The following TMEM132D variants were observed in gnomAD, a reference collection of about 807,000 sequenced individuals.
TMEM132D encodes mature OL transmembrane protein.
TMEM132D carries 21 observed loss-of-function variants against 62.3 expected under a neutral mutation model. The ratio of observed to expected loss-of-function variants is 0.34; its 90% CI spans 0.24 to 0.49. TMEM132D has a LOEUF of 0.49. Among genes scored for constraint, TMEM132D ranks in the 20% least tolerant of loss-of-function variants. TMEM132D has a pLI of 0.99. For missense variants in TMEM132D, 1,346 were observed against 1,402.8 expected (o/e 0.96, Z 0.65); for synonymous variants, 621 against 575.6 (o/e 1.08, Z -1.13).
intron 4 of TMEM132D, among the ~76,000 whole-genome samples, chr12:129,260,494 G>A (rs1387562672): frequency 6.6e-6 from 1 of 152,108 alleles, no homozygotes; most frequent in East Asian, 1.9e-4. Flanking sequence ...AAAGAAGGAG[G>A]GATCTAAGGA....
chr12:129,313,112 G>A (rs1444498801), intron 4 of TMEM132D, among the ~76,000 whole-genome samples: 1 of 152,148 alleles, frequency 6.6e-6, no homozygotes, highest in Non-Finnish European at 1.5e-5. Context: ...GAGCCAAGAG[G>A]AACTGTTGAA....
chr12:129,204,777 G>T (rs1465918553), intron 5 of TMEM132D, among the ~76,000 whole-genome samples: 1 of 152,164 alleles, frequency 6.6e-6, no homozygotes, highest in East Asian at 1.9e-4. Context: ...CAGCTAGAGA[G>T]AAGGGGCAGG....
At chr12:129,565,890 G>A (rs950474820) in intron 2 of TMEM132D, among the ~76,000 whole-genome samples, 31 of 152,338 alleles carry the variant, frequency 2.0e-4, no homozygotes, top group Non-Finnish European at 3.8e-4. Flanking sequence ...CACTCACAAT[G>A]TGAGAAGTGC....
chr12:129,232,602 C>T (rs890442055), intron 4 of TMEM132D, among the ~76,000 whole-genome samples: 11 of 152,256 alleles, frequency 7.2e-5, no homozygotes, highest in Admixed American at 6.5e-4. Context: ...TCTGTGACCA[C>T]CGAACGATTA....
At chr12:129,825,167 C>T (rs2137328492) in intron 1 of TMEM132D, among the ~76,000 whole-genome samples, 1 of 151,224 alleles carries the variant, frequency 6.6e-6, no homozygotes, top group African/African-American at 2.4e-5. Flanking sequence ...GCACAGGCCA[C>T]CCGGGTAATT....
intron 4 of TMEM132D, among the ~76,000 whole-genome samples, chr12:129,271,374 G>A (rs1285349328): frequency 6.6e-6 from 1 of 151,682 alleles, no homozygotes; most frequent in Non-Finnish European, 1.5e-5. Context: ...CCTCAGAACA[G>A]TTTTTCTTTT....
At chr12:129,529,232 TGAA>T (rs1263358830) in intron 3 of TMEM132D, among the ~76,000 whole-genome samples, 1 of 152,198 alleles carries the variant, frequency 6.6e-6, no homozygotes. Context: ...TCACTTAGAA[TGAA>T]GAATTAGGGC....
At chr12:129,478,948 C>G (rs1038999790) in intron 3 of TMEM132D, among the ~76,000 whole-genome samples, 2 of 152,230 alleles carry the variant, frequency 1.3e-5, no homozygotes, top group Non-Finnish European at 1.5e-5. Context: ...AAGACCTACA[C>G]ATGCATGAAG....
intron 3 of TMEM132D, among the ~76,000 whole-genome samples, chr12:129,488,763 G>A (rs376980586): frequency 6.6e-5 from 10 of 152,084 alleles, no homozygotes; most frequent in African/African-American, 2.2e-4. Context: ...CCAGACAGGT[G>A]GGCAGGGGCT....
chr12:129,828,822 G>A (rs1046506819), intron 1 of TMEM132D, among the ~76,000 whole-genome samples: 4 of 144,372 alleles, frequency 2.8e-5, no homozygotes, highest in African/African-American at 1.0e-4. Flanking sequence ...GGAGAAAAAA[G>A]GGAGGGAGAA....
chr12:129,095,395 G>A (rs1380472729), intron 5 of TMEM132D, among the ~76,000 whole-genome samples: 1 of 140,046 alleles, frequency 7.1e-6, no homozygotes, highest in Non-Finnish European at 1.5e-5. Flanking sequence ...TGTCACCCAG[G>A]CTGGAGTGGA....
intron 1 of TMEM132D, among the ~76,000 whole-genome samples, chr12:129,712,784 T>G (rs147912724): frequency 6.6e-6 from 1 of 152,320 alleles, no homozygotes; most frequent in Non-Finnish European, 1.5e-5. Context: ...AGCTGTGGGC[T>G]GCGTCCTCTC....
chr12:129,676,705 G>A (rs1422589181), intron 2 of TMEM132D, among the ~76,000 whole-genome samples: 2 of 152,138 alleles, frequency 1.3e-5, no homozygotes, highest in African/African-American at 4.8e-5. Flanking sequence ...TCTCCCTCTA[G>A]GCCCCACCTC....
chr12:129,309,741 T>C (rs914340387), intron 4 of TMEM132D, among the ~76,000 whole-genome samples: 1 of 152,018 alleles, frequency 6.6e-6, no homozygotes, highest in Non-Finnish European at 1.5e-5. Context: ...AAAGCTCTCA[T>C]TGGGAAGAGA....
At chr12:129,261,995 A>G (rs1880561188) in intron 4 of TMEM132D, among the ~76,000 whole-genome samples, 1 of 152,114 alleles carries the variant, frequency 6.6e-6, no homozygotes, top group Non-Finnish European at 1.5e-5. Context: ...AGAGAGGGAG[A>G]AATGTCAAGT....
intron 3 of TMEM132D, among the ~76,000 whole-genome samples, chr12:129,436,122 C>G (rs539386024): frequency 1.3e-5 from 2 of 152,092 alleles, no homozygotes; most frequent in African/African-American, 2.4e-5. Context: ...CTTGAGGGCA[C>G]GTGGATGAGA....
At chr12:129,780,340 G>C (rs1411857738) in intron 1 of TMEM132D, among the ~76,000 whole-genome samples, 1 of 11,284 alleles carries the variant, frequency 8.9e-5, no homozygotes, top group African/African-American at 4.0e-4. Context: ...TTGGTGGGGA[G>C]GGGGGGGGCC....
intron 1 of TMEM132D, among the ~76,000 whole-genome samples, chr12:129,899,989 T>C (rs1418749106): frequency 6.6e-6 from 1 of 152,194 alleles, no homozygotes; most frequent in Admixed American, 6.5e-5. Flanking sequence ...CTTCCTTCAA[T>C]AAGGGTGGTG....
intron 2 of TMEM132D, among the ~76,000 whole-genome samples, chr12:129,622,397 G>T (rs113013673): frequency 3.3e-3 from 504 of 152,198 alleles, no homozygotes; most frequent in African/African-American, 0.011. Flanking sequence ...GGGAATCCTT[G>T]GATATCTAAT....
Sources: gnomAD v4.1 joint callset for allele counts (sites outside exome capture counted in the v4.1 genomes callset) on GRCh38, gnomAD v4.1.1 for gene constraint, MANE v1.5 for transcripts, NCBI Gene and HGNC (gene_info 2026-07-23, HGNC 2026-07-21) for gene names.